The following EYS variants were observed in gnomAD, a reference collection of about 807,000 sequenced individuals.
EYS encodes the protein EGF-like photoreceptor maintenance factor.
In EYS, 250 loss-of-function variants were observed where a neutral mutation model predicts 282.1. That is an observed-to-expected ratio of 0.89 (90% CI 0.80 to 0.98). The LOEUF is 0.98. EYS is among the 50% of genes least tolerant of loss of function. The probability of loss-of-function intolerance (pLI) is 0.00; values close to 1 mark genes in which losing one functional copy is unlikely to be tolerated. For synonymous variants in EYS, 1,355 were observed against 1,282.9 expected, an observed-to-expected ratio of 1.06 and a Z score of -1.20; for missense variants, 4,016 against 3,709.0, an observed-to-expected ratio of 1.08 and a Z score of -2.15.
chr6:65,645,123 T>C (rs191349821), intron 1 of EYS, among the ~76,000 whole-genome samples: 52 of 151,356 alleles, frequency 3.4e-4, no homozygotes, highest in African/African-American at 1.2e-3. Flanking sequence ...ACTAGACAGG[T>C]CATTAAGATA....
chr6:63,828,326 C>G (rs764290006), intron 36 of EYS, among the ~76,000 whole-genome samples: 1 of 152,012 alleles, frequency 6.6e-6, no homozygotes, highest in Non-Finnish European at 1.5e-5. Context: ...ATTGATAGAC[C>G]ATTAGCAAGA....
intron 31 of EYS, among the ~76,000 whole-genome samples, chr6:64,153,799 AT>A (rs1423758402): frequency 6.6e-6 from 1 of 152,242 alleles, no homozygotes; most frequent in Non-Finnish European, 1.5e-5. Flanking sequence ...GTAGTTATAC[AT>A]GTTAGAAAAA....
intron 13 of EYS, among the ~76,000 whole-genome samples, chr6:65,029,203 A>G (rs1380863716): frequency 6.6e-6 from 1 of 152,084 alleles, no homozygotes; most frequent in African/African-American, 2.4e-5. Flanking sequence ...TTCTGTAAAA[A>G]GTATGGTTCC....
rs115492501 is a variant in EYS, at chr6:65,702,510, G to A, written c.-448+4625C>T. Among the ~76,000 whole-genome samples the A allele has an allele frequency of 5.0e-3, 766 of 152,190 alleles. 6 individuals carry two copies. Among genetic ancestry groups the A allele is most frequent in the African/African-American group, 0.017 (715 of 41,528 alleles). On this transcript the variant is annotated intron_variant, in intron 1 of 42. Coordinates refer to ENST00000503581, the MANE Select transcript of EYS (RefSeq NM_001142800.2). ...ATTTTGAGACCAGCCTAGCCAACAC[G>A]GTGAAAGCTTGTCTCTACTAAAAAT...
chr6:64,597,622 C>G (rs1224361929), intron 24 of EYS, among the ~76,000 whole-genome samples: 1 of 151,266 alleles, frequency 6.6e-6, no homozygotes, highest in Admixed American at 6.6e-5. Flanking sequence ...AGACAAATAC[C>G]CACATGTTCT....
intron 31 of EYS, among the ~76,000 whole-genome samples, chr6:64,120,055 G>T (rs113153579): frequency 0.063 from 9,555 of 151,816 alleles, 921 homozygotes; most frequent in African/African-American, 0.21. Flanking sequence ...TTAGAAAAAC[G>T]TATATCTTTT....
Position 64,938,457 on chromosome 6 carries a change from C to T in EYS, c.2381+7336G>A, listed in dbSNP as rs1387374886. 7.3e-5 allele frequency among the ~76,000 whole-genome samples: 11 copies of T among 151,500 alleles called. No homozygotes were observed. The Admixed American group carries it at 7.3e-4, about 10-fold the overall frequency. Reference sequence around the variant, plus strand: ...TTAATGTGCCTAACTTATATTTAAACTTCACCATAGTTATATATAGAAAAA... The same window carrying T: ...TTAATGTGCCTAACTTATATTTAAATTTCACCATAGTTATATATAGAAAAA... On this transcript the variant is annotated intron_variant, in intron 15 of 42. Coordinates refer to ENST00000503581, the MANE Select transcript of EYS (RefSeq NM_001142800.2).
chr6:63,738,916 T>C (rs984205967), intron 41 of EYS, among the ~76,000 whole-genome samples: 1 of 152,160 alleles, frequency 6.6e-6, no homozygotes, highest in Non-Finnish European at 1.5e-5. Context: ...AGGAATTAAC[T>C]ACCTTTTGGA....
chr6:63,987,848 C>A (rs942031341), intron 34 of EYS, among the ~76,000 whole-genome samples: 3 of 151,496 alleles, frequency 2.0e-5, no homozygotes, highest in Admixed American at 6.6e-5. Flanking sequence ...TATACTAATA[C>A]GTGCTGTTTT....
intron 31 of EYS, among the ~76,000 whole-genome samples, chr6:64,115,176 C>T (rs78680993): frequency 0.042 from 6,410 of 152,266 alleles, 399 homozygotes; most frequent in African/African-American, 0.14. Context: ...TTGCTCTGCA[C>T]ATGAGTATGT....
At chr6:64,106,644 G>A (rs143500426) in intron 31 of EYS, among the ~76,000 whole-genome samples, 677 of 151,942 alleles carry the variant, frequency 4.5e-3, no homozygotes, top group African/African-American at 0.016. Context: ...GTGTGTGTGT[G>A]TCTGTGTGTG....
intron 36 of EYS, among the ~76,000 whole-genome samples, chr6:63,829,366 A>T (rs1335269653): frequency 6.6e-6 from 1 of 152,152 alleles, no homozygotes; most frequent in East Asian, 1.9e-4. Flanking sequence ...TCCCACCCTA[A>T]TACTGTGCTT....
intron 13 of EYS, among the ~76,000 whole-genome samples, chr6:65,027,006 C>T (rs1239336494): frequency 7.0e-6 from 1 of 143,634 alleles, no homozygotes; most frequent in Non-Finnish European, 1.5e-5. Flanking sequence ...CTTCCTCTTG[C>T]CTATTTGTAA....
At chr6:65,139,217 G>A (rs1054248221) in intron 12 of EYS, among the ~76,000 whole-genome samples, 4 of 152,064 alleles carry the variant, frequency 2.6e-5, no homozygotes, top group East Asian at 3.9e-4. Context: ...TAAAGAAAAT[G>A]TGGTACACAT....
chr6:65,576,837 ATACT>A (rs1326537480), intron 2 of EYS, among the ~76,000 whole-genome samples: 3 of 151,868 alleles, frequency 2.0e-5, no homozygotes, highest in Non-Finnish European at 2.9e-5. Context: ...TATAAAACAA[ATACT>A]TAGGAATAAA....
intron 2 of EYS, among the ~76,000 whole-genome samples, chr6:65,581,250 A>G (rs975718215): frequency 7.9e-5 from 12 of 152,060 alleles, no homozygotes; most frequent in Non-Finnish European, 1.6e-4. Flanking sequence ...TGGCTCATGT[A>G]GACTAGGACT....
intron 33 of EYS, among the ~76,000 whole-genome samples, chr6:64,021,540 G>A (rs753722605): frequency 6.6e-5 from 10 of 152,114 alleles, no homozygotes; most frequent in Non-Finnish European, 1.5e-4. Context: ...AGTAAAAGCT[G>A]AGTGATTGTT....
At chr6:65,170,801 A>C (rs1333499553) in intron 12 of EYS, among the ~76,000 whole-genome samples, 1 of 151,568 alleles carries the variant, frequency 6.6e-6, no homozygotes, top group Non-Finnish European at 1.5e-5. Flanking sequence ...ATGAAAAATT[A>C]ACAACAAAAA....
chr6:64,276,916 GT>G lies in EYS; in HGVS notation c.6191+30053del, dbSNP rs1324529526. Among the ~76,000 whole-genome samples, 4 of 152,040 alleles carry G rather than the reference GT, an allele frequency of 2.6e-5. No homozygotes were observed. In the East Asian group the frequency reaches 7.7e-4, roughly 29 times the overall value. On this transcript the variant is annotated intron_variant, in intron 30 of 42. Coordinates refer to ENST00000503581, the MANE Select transcript of EYS (RefSeq NM_001142800.2). Reference sequence around the variant, plus strand: ...TAATTTGGAATATATTCTGCAAAATGTCAAAAAGTTATATAAATCAAGCCAA... The same window carrying G: ...TAATTTGGAATATATTCTGCAAAATGCAAAAAGTTATATAAATCAAGCCAA...
Sources: allele counts gnomAD v4.1 joint callset (sites outside exome capture counted in the v4.1 genomes callset), GRCh38; gene constraint gnomAD v4.1.1; transcripts MANE v1.5; gene names NCBI Gene and HGNC (gene_info 2026-07-23, HGNC 2026-07-21).